Variants in SLC16A3 observed in about 807,000 individuals in gnomAD.
SLC16A3 encodes the protein monocarboxylate transporter 4.
In SLC16A3, 22 loss-of-function variants were observed where a neutral mutation model predicts 25.0. The ratio of observed to expected loss-of-function variants is 0.88; its 90% CI spans 0.63 to 1.26. The LOEUF is 1.26. Among genes scored for constraint, SLC16A3 ranks in the 50% most tolerant of loss-of-function variants. The pLI, the probability that SLC16A3 is intolerant of heterozygous loss-of-function variation, is 0.00. For missense variants in SLC16A3, 731 were observed against 666.6 expected (o/e 1.10, Z -1.06); for synonymous variants, 390 against 309.2 (o/e 1.26, Z -2.74).
At chr17:82,227,860 G>A (rs1042391165), upstream of SLC16A3, among the ~76,000 whole-genome samples, 1 of 152,202 alleles carries the variant, frequency 6.6e-6, no homozygotes, top group Admixed American at 6.5e-5. Context: ...AATGCCAGCG[G>A]GAGGGTGGGC....
upstream of SLC16A3, among the ~76,000 whole-genome samples, chr17:82,223,658 G>A (rs574096866): frequency 5.9e-5 from 9 of 152,208 alleles, no homozygotes; most frequent in South Asian, 1.5e-3. Context: ...GATTATGGGT[G>A]CATGCCACCA....
chr17:82,235,887 T>A lies in SLC16A3; in HGVS notation c.-26-96T>A, dbSNP rs542489521. 139 of 789,218 alleles carry A rather than the reference T, an allele frequency of 1.8e-4. No homozygotes were observed. The East Asian group carries it at 3.3e-3, about 19-fold the overall frequency. 48.9% of individuals were successfully genotyped at this position (789,218 alleles called of 1,614,324 possible). On this transcript the variant is annotated intron_variant, in intron 1 of 4. Transcript: ENST00000582743. ...GGGTGCCGGGCAGCTGCCCCTCAGC[T>A]GAGCTGCCGGGCCACCCAGCTCGTG... is the stretch of plus-strand genomic sequence containing the variant.
chr17:82,235,732 A>T, intron 1 of SLC16A3: 1 of 536,432 alleles, frequency 1.9e-6, no homozygotes, highest in Non-Finnish European at 3.4e-6. Flanking sequence ...GAGCCCAAAA[A>T]AGCCACTGCC....
At chr17:82,224,085 TGTGCAGACACACCCCTACACCC>T (rs1274951270), upstream of SLC16A3, among the ~76,000 whole-genome samples, 3 of 135,038 alleles carry the variant, frequency 2.2e-5, no homozygotes, top group Non-Finnish European at 3.2e-5. Flanking sequence ...CACAGACACC[TGTGCAGACACACCCCTACACCC>T]GTGCAGACAC....
In SLC16A3 at chr17:82,236,196, TC is replaced by T; in HGVS notation, c.189del (p.Ser64ProfsTer19). On this transcript the variant is annotated frameshift_variant, in exon 2 of 5. Coordinates refer to ENST00000582743, the MANE Select transcript of SLC16A3 (RefSeq NM_004207.4). LOFTEE classifies it high-confidence loss of function. Reference protein sequence around the residue: ...FGIGYSDTAWISSILLAMLYG... With the variant: ...FGIGYSDTAWXSSILLAMLYG... ...ATCGGCTACAGCGACACAGCCTGGA[TC>T]TCCTCCATCCTGCTGGCCATGCTCT... The T allele has an allele frequency of 2.5e-6, 4 of 1,612,992 alleles. No individual in the cohort carries two copies. The highest frequency in any genetic ancestry group is 3.4e-6 in the Non-Finnish European group (4 of 1,179,954).
Position 82,238,963 on chromosome 17 carries a change from A to G in SLC16A3, c.1385A>G (p.Glu462Gly). Residue 462 changes from glutamate (E) to glycine (G), a missense_variant, in exon 5 of 5, where the codon GAA (glutamate) becomes GGA (glycine). By Grantham distance (98) the Glu-to-Gly change is moderately conservative. Transcript: ENST00000582743. ...EKNGEVVHTP[E>G]TSV ...AACGGGGAGGTGGTTCACACCCCGG[A>G]AACAAGTGTCTGAGTGGCTGGGCGG... 2.6e-6 allele frequency: 4 copies of G among 1,537,630 alleles called. No individual in the cohort carries two copies. The highest frequency in any genetic ancestry group is 3.5e-6 in the Non-Finnish European group (4 of 1,136,794).
In SLC16A3 at chr17:82,221,851, TAAG is replaced by T. The variant is rs1265763012; in HGVS notation, c.-27+3672_-27+3674del. Among the ~76,000 whole-genome samples the T allele has an allele frequency of 5.3e-5, 8 of 152,120 alleles. No individual in the cohort carries two copies. The East Asian group carries it at 1.4e-3, about 26-fold the overall frequency. On this transcript the variant is annotated intron_variant, in intron 1 of 4. Coordinates refer to the SLC16A3 transcript ENST00000580098. Reference sequence around the variant, plus strand: ...CCCAGGAGTTCCTGCCTGGGCAACATAAGAAGACCCTGGTCTCTGAAAAACAAA... The same window carrying T: ...CCCAGGAGTTCCTGCCTGGGCAACATAAGACCCTGGTCTCTGAAAAACAAA...
intron 1 of SLC16A3, among the ~76,000 whole-genome samples, chr17:82,232,535 G>C (rs947298427): frequency 1.3e-5 from 2 of 152,204 alleles, no homozygotes; most frequent in Non-Finnish European, 2.9e-5. Context: ...ACGGCATTTC[G>C]AGCCACCTGG....
At chr17:82,220,512 T>C (rs1311241973) in intron 1 of SLC16A3, among the ~76,000 whole-genome samples, 2 of 152,202 alleles carry the variant, frequency 1.3e-5, no homozygotes, top group Non-Finnish European at 2.9e-5. Flanking sequence ...GGCTTATGCC[T>C]GCAATCCCAG....
At chr17:82,238,269 G>A (rs1396427111) in intron 4 of SLC16A3, among the ~76,000 whole-genome samples, 1 of 152,206 alleles carries the variant, frequency 6.6e-6, no homozygotes, top group Non-Finnish European at 1.5e-5. Context: ...ATTAAGTTCT[G>A]ACTGGAGCAG....
At chr17:82,218,769 C>T (rs2050371601) in intron 1 of SLC16A3, among the ~76,000 whole-genome samples, 2 of 152,198 alleles carry the variant, frequency 1.3e-5, no homozygotes, top group Admixed American at 1.3e-4. Flanking sequence ...GGAGAACGGG[C>T]AGCAGGGACG....
upstream of SLC16A3, among the ~76,000 whole-genome samples, chr17:82,227,921 G>A (rs73999813): frequency 3.3e-5 from 5 of 152,166 alleles, no homozygotes; most frequent in African/African-American, 9.7e-5. Context: ...CTGATGTCCC[G>A]CAAGGCTGGG....
intron 1 of SLC16A3, among the ~76,000 whole-genome samples, chr17:82,220,790 C>A (rs2147105919): frequency 6.6e-6 from 1 of 152,142 alleles, no homozygotes; most frequent in Admixed American, 6.5e-5. Flanking sequence ...ACAAAACTCT[C>A]AGAAGAAAGC....
At chr17:82,224,227 C>T (rs1168310970), upstream of SLC16A3, among the ~76,000 whole-genome samples, 2 of 67,338 alleles carry the variant, frequency 3.0e-5, no homozygotes, top group African/African-American at 6.7e-5. Flanking sequence ...TACACCCGTG[C>T]AGACACACCC....
At position 82,221,707 on chromosome 17, in the gene SLC16A3, A is replaced by T. The variant is rs552454056; in HGVS notation, c.-27+3523A>T. On this transcript the variant is annotated intron_variant, in intron 1 of 4. Transcript: ENST00000580098. ...TAGAGAAACGCAAATCCAATCCATC[A>T]TGAGATACTACTTCACACCCACGAG... 1.3e-4 allele frequency among the ~76,000 whole-genome samples: 20 copies of T among 152,304 alleles called. 1 individual carries two copies. In the South Asian group the frequency reaches 4.1e-3, roughly 32 times the overall value.
intron 1 of SLC16A3, among the ~76,000 whole-genome samples, chr17:82,220,007 G>T (rs552212130): frequency 7.7e-4 from 117 of 152,124 alleles, no homozygotes; most frequent in African/African-American, 2.8e-3. Flanking sequence ...GCTCAGGGCC[G>T]GGGGGGCCCT....
In SLC16A3 at chr17:82,240,025, G is replaced by T; in HGVS notation, c.*1049G>T. ...GGGACGGCAGCGGGTGCCCTGGCGGGCCGCGTGCAGCCGGAGAGATGCCAT... is the reference window on the plus strand; with the variant it reads ...GGGACGGCAGCGGGTGCCCTGGCGGTCCGCGTGCAGCCGGAGAGATGCCAT... On this transcript the variant is annotated 3_prime_UTR_variant, in exon 5 of 5. Transcript: ENST00000582743. 1 of 1,233,812 alleles carries T rather than the reference G, an allele frequency of 8.1e-7. No individual in the cohort carries two copies. Among genetic ancestry groups the T allele is most frequent in the East Asian group, 3.2e-5 (1 of 31,686 alleles). 76.4% of individuals were successfully genotyped at this position (1,233,812 alleles called of 1,614,324 possible).
chr17:82,227,286 G>A (rs1157926261), upstream of SLC16A3, among the ~76,000 whole-genome samples: 4 of 152,102 alleles, frequency 2.6e-5, no homozygotes, highest in Non-Finnish European at 5.9e-5. Context: ...CTCTGGCTCT[G>A]TCTCCCTCCC....
intron 4 of SLC16A3, 115 bp downstream of exon 4, chr17:82,238,008 C>A: frequency 1.6e-6 from 2 of 1,255,648 alleles, no homozygotes; most frequent in Non-Finnish European, 2.2e-6. Flanking sequence ...GGACTCAGAG[C>A]TGGAGGGGGT....
Sources: allele counts gnomAD v4.1 joint callset (sites outside exome capture counted in the v4.1 genomes callset), GRCh38; gene constraint gnomAD v4.1.1; transcripts MANE v1.5; gene names NCBI Gene and HGNC (gene_info 2026-07-23, HGNC 2026-07-21).